The following NELL1 variants were observed in gnomAD, a reference collection of about 807,000 sequenced individuals.
NELL1 encodes the protein protein kinase C-binding protein NELL1.
A neutral mutation model predicts 107.4 loss-of-function variants in NELL1; 76 were observed. That is an observed-to-expected ratio of 0.71 (90% CI 0.59 to 0.86). NELL1 has a LOEUF of 0.86. Among genes scored for constraint, NELL1 ranks in the 40% least tolerant of loss-of-function variants. The pLI is 0.00. For missense variants in NELL1, 1,024 were observed against 1,005.5 expected (o/e 1.02, Z -0.25); for synonymous variants, 353 against 341.2 (o/e 1.03, Z -0.38).
intron 15 of NELL1, among the ~76,000 whole-genome samples, chr11:21,372,747 C>A (rs1045769019): frequency 2.6e-5 from 4 of 151,876 alleles, no homozygotes; most frequent in Non-Finnish European, 5.9e-5. Flanking sequence ...ACCATAGCAA[C>A]TACTGTAACA....
intron 12 of NELL1, among the ~76,000 whole-genome samples, chr11:20,972,481 T>A (rs1220323976): frequency 6.6e-6 from 1 of 151,780 alleles, no homozygotes; most frequent in Non-Finnish European, 1.5e-5. Flanking sequence ...GATGGAGAAG[T>A]GTGGGGTGGT....
At chr11:21,448,025 C>T (rs1024710848) in intron 15 of NELL1, among the ~76,000 whole-genome samples, 2 of 152,204 alleles carry the variant, frequency 1.3e-5, no homozygotes, top group Non-Finnish European at 2.9e-5. Flanking sequence ...TTCTCTCCTT[C>T]TCCCAAACGC....
chr11:20,936,032 T>C (rs1850717615), intron 9 of NELL1, among the ~76,000 whole-genome samples: 1 of 152,110 alleles, frequency 6.6e-6, no homozygotes, highest in South Asian at 2.1e-4. Context: ...CATAGAGATT[T>C]ACATGTACTT....
At chr11:21,210,109 G>A (rs903777235) in intron 13 of NELL1, among the ~76,000 whole-genome samples, 2 of 152,114 alleles carry the variant, frequency 1.3e-5, no homozygotes, top group African/African-American at 4.8e-5. Context: ...GCATGGATAT[G>A]CTGCATTTTC....
At chr11:21,524,365 A>G (rs565437880) in intron 15 of NELL1, among the ~76,000 whole-genome samples, 8 of 152,312 alleles carry the variant, frequency 5.3e-5, no homozygotes, top group African/African-American at 1.9e-4. Context: ...AAGTTCAAAA[A>G]TTCTTCCTAT....
At chr11:21,323,561 T>C (rs1187415663) in intron 14 of NELL1, among the ~76,000 whole-genome samples, 1 of 152,076 alleles carries the variant, frequency 6.6e-6, no homozygotes, top group Non-Finnish European at 1.5e-5. Flanking sequence ...CCAGGGTTAT[T>C]TACTTCTGAT....
intron 14 of NELL1, among the ~76,000 whole-genome samples, chr11:21,250,468 C>T (rs958556468): frequency 4.6e-5 from 7 of 152,146 alleles, no homozygotes; most frequent in Non-Finnish European, 1.0e-4. Context: ...ATTGAAATAT[C>T]TTTTTCCTCT....
At chr11:20,854,219 A>G (rs1321567105) in intron 4 of NELL1, among the ~76,000 whole-genome samples, 1 of 152,162 alleles carries the variant, frequency 6.6e-6, no homozygotes, top group East Asian at 1.9e-4. Context: ...GAAAACTTGA[A>G]CTGAAAGAAA....
chr11:21,118,352 T>A (rs905793981), intron 13 of NELL1, among the ~76,000 whole-genome samples: 7 of 152,008 alleles, frequency 4.6e-5, no homozygotes, highest in Non-Finnish European at 7.4e-5. Flanking sequence ...TTCAAGGACC[T>A]TCATTAGACG....
At position 20,779,647 on chromosome 11, in the gene NELL1, T is replaced by A. The variant is rs137858696; in HGVS notation, c.185-4033T>A. Among the ~76,000 whole-genome samples the A allele has an allele frequency of 6.2e-3, 941 of 152,244 alleles. 10 individuals carry two copies. Among genetic ancestry groups the A allele is most frequent in the African/African-American group, 0.022 (895 of 41,524 alleles). On this transcript the variant is annotated intron_variant, in intron 2 of 19. Transcript: ENST00000357134. ...GGTGACATATCACTATTTTTAAGAG[T>A]TGACAACTTTATGTTTTATGTTAAT...
chr11:20,785,001 A>G (rs1167638881), intron 3 of NELL1, among the ~76,000 whole-genome samples: 1 of 152,236 alleles, frequency 6.6e-6, no homozygotes, highest in Non-Finnish European at 1.5e-5. Context: ...GCATTAGGTT[A>G]GTGGTTGAGG....
chr11:21,170,327 A>G (rs1319659457), intron 13 of NELL1, among the ~76,000 whole-genome samples: 4 of 151,664 alleles, frequency 2.6e-5, no homozygotes, highest in Non-Finnish European at 4.4e-5. Context: ...GGCTGTGATG[A>G]GAGAATTTGG....
intron 14 of NELL1, among the ~76,000 whole-genome samples, chr11:21,332,218 G>A: frequency 6.6e-6 from 1 of 151,936 alleles, no homozygotes; most frequent in South Asian, 2.1e-4. Flanking sequence ...ATTATTCTAA[G>A]GATGCACTGC....
chr11:21,170,066 C>T, intron 13 of NELL1: 3 of 1,072,116 alleles, frequency 2.8e-6, no homozygotes, highest in Admixed American at 3.8e-5. Context: ...TGAACCCAGC[C>T]TCTTGGAGTC....
At chr11:21,330,561 C>A (rs1850250336) in intron 14 of NELL1, among the ~76,000 whole-genome samples, 1 of 152,012 alleles carries the variant, frequency 6.6e-6, no homozygotes. Flanking sequence ...TATATTCTGG[C>A]CTCCACTGTT....
At chr11:21,023,393 A>T (rs1473684914) in intron 12 of NELL1, among the ~76,000 whole-genome samples, 1 of 152,052 alleles carries the variant, frequency 6.6e-6, no homozygotes, top group South Asian at 2.1e-4. Flanking sequence ...CCACAGCTCT[A>T]TTATCTCTCC....
At chr11:20,905,299 C>A (rs1054919008) in intron 5 of NELL1, among the ~76,000 whole-genome samples, 1 of 152,084 alleles carries the variant, frequency 6.6e-6, no homozygotes, top group Non-Finnish European at 1.5e-5. Flanking sequence ...CAGCAAACCC[C>A]AGTAAAGGGG....
At chr11:21,074,712 T>C (rs1232406926) in intron 12 of NELL1, among the ~76,000 whole-genome samples, 1 of 152,158 alleles carries the variant, frequency 6.6e-6, no homozygotes, top group Non-Finnish European at 1.5e-5. Context: ...TAGATATAAT[T>C]TATATACCAC....
chr11:20,708,991 G>C (rs1473852215), intron 2 of NELL1, among the ~76,000 whole-genome samples: 1 of 152,048 alleles, frequency 6.6e-6, no homozygotes, highest in Admixed American at 6.6e-5. Context: ...TCACAATAGG[G>C]GTCATGCTCC....
Sources: gnomAD v4.1 joint callset for allele counts (sites outside exome capture counted in the v4.1 genomes callset) on GRCh38, gnomAD v4.1.1 for gene constraint, MANE v1.5 for transcripts, NCBI Gene and HGNC (gene_info 2026-07-23, HGNC 2026-07-21) for gene names.